TIAM1: variants seen among roughly 807,000 people sequenced by gnomAD.
TIAM1 encodes TIAM Rac1 associated GEF 1, also known as rho guanine nucleotide exchange factor TIAM1.
TIAM1 carries 65 observed loss-of-function variants against 163.5 expected under a neutral mutation model. That is an observed-to-expected ratio of 0.40 (90% confidence interval 0.33 to 0.49). The LOEUF is 0.49. Ranked by LOEUF, TIAM1 falls within the 20% of genes least tolerant of loss-of-function variation. TIAM1 has a pLI of 0.77. For missense variants in TIAM1, 1,789 were observed against 2,044.7 expected (o/e 0.87, Z 2.41); for synonymous variants, 833 against 810.1 (o/e 1.03, Z -0.48).
rs185140006 is a variant in TIAM1, at chr21:31,317,284, G to A, written c.-189+21959C>T. ...AGCCTGACCAACATGGAAAAACACC[G>A]TCTCTACTAAAAATACAAAATTAGC... On this transcript the variant is annotated intron_variant, in intron 2 of 27. Coordinates refer to ENST00000541036, the MANE Select transcript of TIAM1 (RefSeq NM_001353694.2). 6.4e-4 allele frequency among the ~76,000 whole-genome samples: 97 copies of A among 151,446 alleles called. 1 individual carries two copies. The East Asian group carries it at 0.016, about 25-fold the overall frequency.
chr21:31,257,437 G>A (rs1219936757), intron 4 of TIAM1, among the ~76,000 whole-genome samples: 3 of 152,144 alleles, frequency 2.0e-5, no homozygotes, highest in Non-Finnish European at 4.4e-5. Context: ...TTATGTCTAA[G>A]TTAAATGAAT....
intron 2 of TIAM1, among the ~76,000 whole-genome samples, chr21:31,384,836 A>G (rs1357078131): frequency 1.3e-5 from 2 of 152,192 alleles, no homozygotes; most frequent in Admixed American, 6.5e-5. Context: ...CTTTACAGTT[A>G]TAACTATTTT....
At chr21:31,249,095 C>T (rs2071657380) in intron 5 of TIAM1, among the ~76,000 whole-genome samples, 1 of 152,144 alleles carries the variant, frequency 6.6e-6, no homozygotes, top group Non-Finnish European at 1.5e-5. Context: ...TGAATTGTGT[C>T]CTCCAAACAT....
Position 31,538,040 on chromosome 21 carries a change from T to C in TIAM1, c.-422+20887A>G, listed in dbSNP as rs187678672. ...GATTCCTTACTATCAAGTACAAAAATACATCTATGGGGTTAGAAATCAGGA... is the reference window on the plus strand; with the variant it reads ...GATTCCTTACTATCAAGTACAAAAACACATCTATGGGGTTAGAAATCAGGA... On this transcript the variant is annotated intron_variant, in intron 1 of 28. Transcript: ENST00000286827. Among the ~76,000 whole-genome samples the C allele has an allele frequency of 1.0e-3, 152 of 152,218 alleles. 1 individual carries two copies. Among genetic ancestry groups the C allele is most frequent in the Non-Finnish European group, 2.2e-4 (15 of 67,994 alleles).
chr21:31,349,690 A>T (rs986789616), intron 2 of TIAM1, among the ~76,000 whole-genome samples: 7 of 152,162 alleles, frequency 4.6e-5, no homozygotes, highest in African/African-American at 1.7e-4. Context: ...TCCCCAGTAT[A>T]GCCTCTTGAA....
At chr21:31,223,874 AACTCTAG>A (rs1321890251) in intron 7 of TIAM1, among the ~76,000 whole-genome samples, 1 of 152,188 alleles carries the variant, frequency 6.6e-6, no homozygotes, top group Non-Finnish European at 1.5e-5. Flanking sequence ...CTGGACCACA[AACTCTAG>A]ACTCCAGAAG....
At chr21:31,165,888 A>G (rs1312324784) in intron 15 of TIAM1, among the ~76,000 whole-genome samples, 3 of 152,242 alleles carry the variant, frequency 2.0e-5, no homozygotes, top group African/African-American at 7.2e-5. Flanking sequence ...TAAACATCTT[A>G]TAATACCTGC....
intron 2 of TIAM1, among the ~76,000 whole-genome samples, chr21:31,365,147 G>A (rs1042627667): frequency 1.3e-5 from 2 of 152,058 alleles, no homozygotes; most frequent in African/African-American, 4.8e-5. Flanking sequence ...AGAATTCAAC[G>A]ACCCCAGATC....
chr21:31,346,563 G>C (rs146134734), upstream of TIAM1, among the ~76,000 whole-genome samples: 1 of 152,186 alleles, frequency 6.6e-6, no homozygotes, highest in South Asian at 2.1e-4. Flanking sequence ...ATCAGAGATC[G>C]CGTACTTCGG....
At chr21:31,210,748 GAGAAAGAAAGAAAGAAAGAAAGAAAGAA>G (rs1272829774) in intron 10 of TIAM1, among the ~76,000 whole-genome samples, 142 of 59,810 alleles carry the variant, frequency 2.4e-3, no homozygotes, top group Admixed American at 3.8e-3. Flanking sequence ...GGAAGGAAGG[GAGAAAGAAAGAAAGAAAGAAAGAAAGAA>G]AGAAAGAAAG....
At chr21:31,144,916 A>G (rs1242127353) in intron 20 of TIAM1, among the ~76,000 whole-genome samples, 1 of 152,014 alleles carries the variant, frequency 6.6e-6, no homozygotes, top group Non-Finnish European at 1.5e-5. Flanking sequence ...AAGATAATAT[A>G]ATATTTTTCT....
chr21:31,422,006 T>G (rs1397199201), intron 2 of TIAM1, among the ~76,000 whole-genome samples: 2 of 151,912 alleles, frequency 1.3e-5, no homozygotes, highest in Non-Finnish European at 2.9e-5. Flanking sequence ...CCTAGATAGG[T>G]GACAGAATGA....
chr21:31,482,981 T>C (rs2046164587), intron 1 of TIAM1, among the ~76,000 whole-genome samples: 1 of 152,112 alleles, frequency 6.6e-6, no homozygotes, highest in Non-Finnish European at 1.5e-5. Flanking sequence ...CAGATGAGGA[T>C]ACAGAGGCTC....
In TIAM1 at chr21:31,154,361, T is replaced by C. The variant is rs967436982; in HGVS notation, c.3057A>G (p.Pro1019=). ...LHEMNPSDQS[P]SPQDSTGPQL... is the part of the protein sequence containing the mutation. ...GAGGCCCCGTGGAGTCCTGAGGAGA[T>C]GGGCTCTGGTCAGAGGGGTTCATCT... The change falls in exon 17 of 28, where the codon CCA becomes CCG. Residue 1019 remains proline, a synonymous_variant. Coordinates refer to ENST00000541036, the MANE Select transcript of TIAM1 (RefSeq NM_001353694.2). 4 of 1,614,056 alleles carry C rather than the reference T, an allele frequency of 2.5e-6. No individual in the cohort carries two copies. The highest frequency in any genetic ancestry group is 3.3e-4 in the Middle Eastern group (2 of 6,062).
intron 2 of TIAM1, among the ~76,000 whole-genome samples, chr21:31,360,505 T>A (rs2076390478): frequency 6.6e-6 from 1 of 152,120 alleles, no homozygotes; most frequent in East Asian, 1.9e-4. Flanking sequence ...GAGGTTTTTT[T>A]AATAGGATAG....
intron 2 of TIAM1, among the ~76,000 whole-genome samples, chr21:31,295,290 G>A (rs1473955389): frequency 6.6e-6 from 1 of 152,106 alleles, no homozygotes; most frequent in African/African-American, 2.4e-5. Flanking sequence ...CTAACACGGT[G>A]AAACCCCGTC....
At chr21:31,413,264 C>CTTTTTTTTTTTT (rs397866519) in intron 2 of TIAM1, among the ~76,000 whole-genome samples, 20 of 87,876 alleles carry the variant, frequency 2.3e-4, no homozygotes, top group East Asian at 3.7e-4. Flanking sequence ...CTTTTCTTTT[C>CTTTTTTTTTTTT]TTTTTTTTTT....
intron 2 of TIAM1, among the ~76,000 whole-genome samples, chr21:31,355,096 A>G (rs1320749714): frequency 6.6e-6 from 1 of 151,968 alleles, no homozygotes; most frequent in East Asian, 1.9e-4. Flanking sequence ...TCCATTGGCA[A>G]AAATTAGTCA....
intron 2 of TIAM1, among the ~76,000 whole-genome samples, chr21:31,442,089 A>ATATATATATATAT (rs1555982237): frequency 3.0e-4 from 37 of 123,882 alleles, no homozygotes; most frequent in East Asian, 7.5e-4. Flanking sequence ...ATATATATAG[A>ATATATATATATAT]ACAATAAGGG....
Sources: gnomAD v4.1 joint callset for allele counts (sites outside exome capture counted in the v4.1 genomes callset) on GRCh38, gnomAD v4.1.1 for gene constraint, MANE v1.5 for transcripts, NCBI Gene and HGNC (gene_info 2026-07-23, HGNC 2026-07-21) for gene names.